TAMM41: variants seen among roughly 807,000 people sequenced by gnomAD.
TAMM41 encodes the protein TAM41 mitochondrial translocator assembly and maintenance homolog.
Under a neutral mutation model 44.1 loss-of-function variants are expected in TAMM41, and 36 were observed. The observed-to-expected ratio is 0.82, with a 90% confidence interval of 0.63 to 1.08. The LOEUF is 1.08. Ranked by LOEUF, TAMM41 falls within the 50% of genes least tolerant of loss-of-function variation. TAMM41 has a pLI of 0.00. For missense variants in TAMM41, 417 were observed against 404.3 expected, an observed-to-expected ratio of 1.03 and a Z score of -0.27; for synonymous variants, 164 against 153.1, an observed-to-expected ratio of 1.07 and a Z score of -0.53.
chr3:11,829,406 G>A (rs189281428), intron 4 of TAMM41, among the ~76,000 whole-genome samples: 7 of 152,302 alleles, frequency 4.6e-5, no homozygotes, highest in East Asian at 1.9e-4. Flanking sequence ...TAAAATTGGC[G>A]AATCTGGGAA....
chr3:11,797,341 T>C (rs937740603), intron 7 of TAMM41, among the ~76,000 whole-genome samples: 5 of 152,072 alleles, frequency 3.3e-5, no homozygotes, highest in African/African-American at 1.2e-4. Context: ...GAAATAAGGC[T>C]GCACACCTAC....
chr3:11,842,903 C>T (rs1049997470), intron 2 of TAMM41, among the ~76,000 whole-genome samples: 1 of 152,158 alleles, frequency 6.6e-6, no homozygotes, highest in African/African-American at 2.4e-5. Context: ...CTGATTTAGA[C>T]CCCTACTGAT....
chr3:11,749,236 G>A, the TAMM41 span, among the ~76,000 whole-genome samples: 65,940 of 151,932 alleles, frequency 0.43, 15,207 homozygotes, highest in African/African-American at 0.58. Context: ...TATTGCACTC[G>A]TGTTTACAGT....
the TAMM41 span, among the ~76,000 whole-genome samples, chr3:11,761,277 T>C: frequency 6.6e-6 from 1 of 152,206 alleles, no homozygotes; most frequent in African/African-American, 2.4e-5. Context: ...TTATTATCAT[T>C]GATTTTCCTA....
At chr3:11,730,423 AAAAAAAAAAAG>A in the TAMM41 span, among the ~76,000 whole-genome samples, 2 of 146,026 alleles carry the variant, frequency 1.4e-5, no homozygotes, top group Admixed American at 6.8e-5. Context: ...ATCTCAAAAA[AAAAAAAAAAAG>A]AAAAAGAAAA....
the TAMM41 span, among the ~76,000 whole-genome samples, chr3:11,748,753 C>G: frequency 6.6e-6 from 1 of 151,992 alleles, no homozygotes; most frequent in African/African-American, 2.4e-5. Flanking sequence ...TTTTTGAGAG[C>G]TTTACTTTCT....
At chr3:11,760,129 A>T in the TAMM41 span, among the ~76,000 whole-genome samples, 835 of 152,294 alleles carry the variant, frequency 5.5e-3, 3 homozygotes, top group Non-Finnish European at 6.9e-3. Context: ...GCTTTTTTTC[A>T]TTAAGGAAAT....
chr3:11,753,868 G>A, the TAMM41 span, among the ~76,000 whole-genome samples: 2 of 152,290 alleles, frequency 1.3e-5, no homozygotes, highest in East Asian at 1.9e-4. Flanking sequence ...AGAAGGAAGG[G>A]CAAGGGGCGA....
the TAMM41 span, among the ~76,000 whole-genome samples, chr3:11,753,635 G>A: frequency 6.6e-6 from 1 of 152,088 alleles, no homozygotes; most frequent in South Asian, 2.1e-4. Flanking sequence ...TACTCGGGAG[G>A]CTGAGACAGG....
At chr3:11,748,797 T>C in the TAMM41 span, among the ~76,000 whole-genome samples, 2 of 152,070 alleles carry the variant, frequency 1.3e-5, no homozygotes, top group South Asian at 4.1e-4. Flanking sequence ...GTGGATGGTG[T>C]GGTGGAGAAT....
chr3:11,822,266 T>C (rs943255153), intron 4 of TAMM41, among the ~76,000 whole-genome samples: 4 of 152,224 alleles, frequency 2.6e-5, no homozygotes, highest in Admixed American at 6.5e-5. Flanking sequence ...TGGATATTGA[T>C]ATGGCAAAAT....
the TAMM41 span, among the ~76,000 whole-genome samples, chr3:11,735,246 T>C: frequency 6.6e-6 from 1 of 152,034 alleles, no homozygotes; most frequent in East Asian, 1.9e-4. Flanking sequence ...TAGTCCCAGC[T>C]ACTCTGGAGG....
intron 7 of TAMM41, among the ~76,000 whole-genome samples, chr3:11,806,222 C>T (rs1463302304): frequency 2.0e-5 from 3 of 152,140 alleles, no homozygotes; most frequent in Non-Finnish European, 2.9e-5. Context: ...CTTTTGTATC[C>T]CGAGCAGCTG....
chr3:11,734,242 A>C, the TAMM41 span, among the ~76,000 whole-genome samples: 1 of 152,130 alleles, frequency 6.6e-6, no homozygotes, highest in Non-Finnish European at 1.5e-5. Context: ...TGGCCTGAGA[A>C]GAGATGAAAG....
intron 7 of TAMM41, among the ~76,000 whole-genome samples, chr3:11,792,706 T>C (rs186847594): frequency 1.1e-4 from 17 of 152,170 alleles, no homozygotes; most frequent in African/African-American, 3.6e-4. Flanking sequence ...CTGCTAAACA[T>C]ATAGAAAACA....
At chr3:11,807,272 A>C in intron 7 of TAMM41, 1 of 1,435,050 alleles carries the variant, frequency 7.0e-7, no homozygotes, top group Non-Finnish European at 9.1e-7. Context: ...CCACCAGACA[A>C]CTATATTAGG....
the TAMM41 span, among the ~76,000 whole-genome samples, chr3:11,729,562 T>A: frequency 8.6e-6 from 1 of 116,122 alleles, no homozygotes; most frequent in Non-Finnish European, 1.8e-5. Flanking sequence ...TTTTTTTTTT[T>A]TTTTTTTTTT....
chr3:11,762,353 C>T, the TAMM41 span, among the ~76,000 whole-genome samples: 4 of 152,082 alleles, frequency 2.6e-5, no homozygotes, highest in African/African-American at 7.2e-5. Context: ...TAACTGTCTA[C>T]GTTGCTGACA....
At chr3:11,753,273 A>G in the TAMM41 span, among the ~76,000 whole-genome samples, 2 of 152,042 alleles carry the variant, frequency 1.3e-5, no homozygotes, top group Non-Finnish European at 2.9e-5. Flanking sequence ...CTAAAAATAC[A>G]AAAAAAGAAA....
Sources: gnomAD v4.1 joint callset for allele counts (sites outside exome capture counted in the v4.1 genomes callset) on GRCh38, gnomAD v4.1.1 for gene constraint, MANE v1.5 for transcripts, NCBI Gene and HGNC (gene_info 2026-07-23, HGNC 2026-07-21) for gene names.